Variants in MACROD1 observed in about 807,000 individuals in gnomAD.
The protein encoded by MACROD1 is mono-ADP ribosylhydrolase 1.
A neutral mutation model predicts 41.4 loss-of-function variants in MACROD1; 31 were observed. The ratio of observed to expected loss-of-function variants is 0.75; its 90% CI spans 0.56 to 1.01. The LOEUF (loss-of-function observed/expected upper bound fraction) is 1.01. MACROD1 is among the 50% of genes least tolerant of loss of function. The pLI, the probability that MACROD1 is intolerant of heterozygous loss-of-function variation, is 0.00. For missense variants in MACROD1, 473 were observed against 460.0 expected (o/e 1.03, Z -0.26); for synonymous variants, 252 against 203.4 (o/e 1.24, Z -2.03).
chr11:64,119,931 C>T (rs575211156), intron 3 of MACROD1, among the ~76,000 whole-genome samples: 164 of 151,708 alleles, frequency 1.1e-3, no homozygotes, highest in African/African-American at 3.6e-3. Flanking sequence ...TCAGGGAGCC[C>T]GGGTCACCAT....
intron 3 of MACROD1, 127 bp downstream of exon 3, chr11:64,151,112 C>T: frequency 1.3e-6 from 1 of 742,280 alleles, no homozygotes; most frequent in Non-Finnish European, 2.3e-6. Context: ...ATGGCGCCAG[C>T]AGGCTGTCCT....
At chr11:64,013,419 C>A (rs1486415357) in intron 4 of MACROD1, among the ~76,000 whole-genome samples, 3 of 152,322 alleles carry the variant, frequency 2.0e-5, no homozygotes, top group Non-Finnish European at 4.4e-5. Flanking sequence ...AAGGGCATTG[C>A]AGGCAGAAGG....
At chr11:64,136,593 C>T (rs1945335863) in intron 3 of MACROD1, among the ~76,000 whole-genome samples, 1 of 152,214 alleles carries the variant, frequency 6.6e-6, no homozygotes, top group Non-Finnish European at 1.5e-5. Flanking sequence ...GCAACAAGGC[C>T]AGGAGACAAG....
chr11:64,002,671 C>T (rs573082002), intron 4 of MACROD1, among the ~76,000 whole-genome samples: 35 of 152,314 alleles, frequency 2.3e-4, no homozygotes, highest in African/African-American at 7.7e-4. Context: ...GGAACCCCCC[C>T]ACCCTGCTCT....
At chr11:64,118,365 C>T (rs918956445) in intron 3 of MACROD1, 57 of 1,462,378 alleles carry the variant, frequency 3.9e-5, no homozygotes, top group Non-Finnish European at 4.8e-5. Context: ...GCCCAGCCTG[C>T]TGCAATCCAA....
At chr11:64,115,013 TC>T (rs1431486146) in intron 3 of MACROD1, among the ~76,000 whole-genome samples, 1 of 152,088 alleles carries the variant, frequency 6.6e-6, no homozygotes, top group East Asian at 1.9e-4. Flanking sequence ...GAAAATAAGG[TC>T]CCTGCTGGCT....
chr11:64,095,454 A>G (rs539333841), intron 3 of MACROD1, among the ~76,000 whole-genome samples: 11 of 152,216 alleles, frequency 7.2e-5, no homozygotes, highest in Non-Finnish European at 1.5e-4. Flanking sequence ...TTTCCAACAC[A>G]GGCAAAAAAT....
chr11:64,081,854 G>C (rs964857683), intron 3 of MACROD1: 2 of 152,160 alleles, frequency 1.3e-5, no homozygotes, highest in African/African-American at 4.8e-5. Context: ...TGAAGACTGA[G>C]GCCGTGGTTC....
At chr11:64,071,375 C>T (rs758770290) in intron 3 of MACROD1, among the ~76,000 whole-genome samples, 10 of 152,174 alleles carry the variant, frequency 6.6e-5, no homozygotes, top group Non-Finnish European at 1.3e-4. Context: ...AGCTCTCTAG[C>T]AATGTTTGTT....
rs1355735148 is a variant in MACROD1, at chr11:64,165,891, G to T, written c.104C>A (p.Thr35Lys). The change falls in exon 1 of 11, where the codon ACG becomes AAG. Residue 35 changes from threonine to lysine, a missense_variant. Thr to Lys is a moderately conservative substitution (Grantham distance 78, BLOSUM62 -1). Transcript: ENST00000255681. ...ACCGCACGTGCTGCTGCGGGTCCTCGTGGCACCCGCCAAGTGTCCGGGCCG... is the reference window on the plus strand; with the variant it reads ...ACCGCACGTGCTGCTGCGGGTCCTCTTGGCACCCGCCAAGTGTCCGGGCCG... ...RPRPGHLAGA[T>K]RTRSSTCGPP... The T allele has an allele frequency of 7.2e-7, 1 of 1,390,596 alleles. No homozygotes were observed. The highest frequency in any genetic ancestry group is 9.3e-7 in the Non-Finnish European group (1 of 1,077,210). The allele number at this position is 1,390,596 out of a possible 1,614,324, so 86.1% of individuals were successfully genotyped here. A position where few individuals can be genotyped will look rare whatever the true frequency, so the allele number is the denominator to read the frequency against.
intron 4 of MACROD1, chr11:64,001,821 C>T (rs1001619787): frequency 4.0e-5 from 28 of 691,508 alleles, no homozygotes; most frequent in Admixed American, 1.4e-4. Flanking sequence ...GTGAGTGTTC[C>T]GAATGGGGTG....
At chr11:64,118,441 G>A in intron 3 of MACROD1, 1 of 960,118 alleles carries the variant, frequency 1.0e-6, no homozygotes, top group Non-Finnish European at 1.5e-6. Flanking sequence ...GGGGAGGGCT[G>A]ACGATTTTGT....
intron 3 of MACROD1, among the ~76,000 whole-genome samples, chr11:64,026,733 T>C (rs1419585901): frequency 6.6e-6 from 1 of 152,100 alleles, no homozygotes. Flanking sequence ...CCTGGCCTCT[T>C]TTCTCTTCCT....
chr11:64,143,753 T>TACACACACACACATACACAC (rs1945448637), intron 3 of MACROD1, among the ~76,000 whole-genome samples: 1 of 101,616 alleles, frequency 9.8e-6, no homozygotes, highest in African/African-American at 4.3e-5. Flanking sequence ...GACACACACA[T>TACACACACACACATACACAC]ACACACACAC....
At chr11:64,111,503 C>T (rs894135269) in intron 3 of MACROD1, among the ~76,000 whole-genome samples, 1 of 152,242 alleles carries the variant, frequency 6.6e-6, no homozygotes, top group African/African-American at 2.4e-5. Context: ...GAGCCTGGCT[C>T]AGTGCAGAAG....
chr11:64,142,113 C>A (rs1945421779), intron 3 of MACROD1, among the ~76,000 whole-genome samples: 1 of 152,158 alleles, frequency 6.6e-6, no homozygotes, highest in Non-Finnish European at 1.5e-5. Context: ...CCCCTTCAGG[C>A]CTAGAGGGGT....
At chr11:64,107,712 G>C (rs1944788384) in intron 3 of MACROD1, among the ~76,000 whole-genome samples, 1 of 152,248 alleles carries the variant, frequency 6.6e-6, no homozygotes, top group African/African-American at 2.4e-5. Context: ...AGGGTGATGG[G>C]TGTGGCTGGC....
At chr11:64,159,650 C>T (rs1012918441) in intron 1 of MACROD1, among the ~76,000 whole-genome samples, 1 of 151,950 alleles carries the variant, frequency 6.6e-6, no homozygotes, top group African/African-American at 2.4e-5. Flanking sequence ...CAAAATTAGC[C>T]GGGCATGGGG....
At chr11:64,119,991 G>A (rs79029161) in intron 3 of MACROD1, among the ~76,000 whole-genome samples, 2 of 152,332 alleles carry the variant, frequency 1.3e-5, no homozygotes, top group East Asian at 3.9e-4. Flanking sequence ...CGTCAAAGAG[G>A]AGATGCTGGT....
Sources: allele counts gnomAD v4.1 joint callset (sites outside exome capture counted in the v4.1 genomes callset), GRCh38; gene constraint gnomAD v4.1.1; transcripts MANE v1.5; gene names NCBI Gene and HGNC (gene_info 2026-07-23, HGNC 2026-07-21).